Variants in LARP1 observed in about 807,000 individuals in gnomAD.
The protein encoded by LARP1 is la-related protein 1.
A neutral mutation model predicts 122.7 loss-of-function variants in LARP1; 36 were observed. The observed-to-expected ratio is 0.29, with a 90% CI of 0.22 to 0.39. LARP1 has a LOEUF of 0.39. LARP1 is among the 10% of genes least tolerant of loss of function. The pLI is 1.00. For synonymous variants in LARP1, 539 were observed against 528.7 expected, an observed-to-expected ratio of 1.02 and a Z score of -0.27; for missense variants, 1,040 against 1,403.6, an observed-to-expected ratio of 0.74 and a Z score of 4.14.
chr5:154,707,235 C>T (rs771878935), intron 1 of LARP1, among the ~76,000 whole-genome samples: 37 of 151,942 alleles, frequency 2.4e-4, no homozygotes, highest in Admixed American at 4.6e-4. Context: ...CAGCCAGACC[C>T]TATCTCTAAA....
intron 18 of LARP1, among the ~76,000 whole-genome samples, chr5:154,813,461 C>T (rs1474172503): frequency 2.0e-5 from 3 of 152,162 alleles, no homozygotes; most frequent in Non-Finnish European, 4.4e-5. Context: ...GCTGAGACGT[C>T]GCAGCATACT....
intron 8 of LARP1, 130 bp downstream of exon 8, chr5:154,795,449 C>G (rs1561614278): frequency 1.9e-5 from 16 of 836,974 alleles, no homozygotes; most frequent in Non-Finnish European, 2.9e-5. Flanking sequence ...CAAGGCTTGG[C>G]TAGTCTCCTC....
chr5:154,718,431 C>G (rs1056186102), intron 1 of LARP1: 1 of 152,052 alleles, frequency 6.6e-6, no homozygotes, highest in Non-Finnish European at 1.5e-5. Flanking sequence ...AGTGGCGATT[C>G]ACAGGTATGA....
chr5:154,797,467 A>C (rs1757976030), intron 8 of LARP1, among the ~76,000 whole-genome samples: 1 of 151,928 alleles, frequency 6.6e-6, no homozygotes, highest in East Asian at 1.9e-4. Flanking sequence ...TCCTGACCTC[A>C]GGTGATCCAC....
exon 1 of LARP1, among the ~76,000 whole-genome samples, chr5:154,683,021 G>A (rs1753766284): frequency 6.6e-6 from 1 of 152,246 alleles, no homozygotes; most frequent in Non-Finnish European, 1.5e-5. Context: ...GGCCGTGCTG[G>A]GAGAGCAGGC....
At chr5:154,697,290 C>T (rs1296510167) in intron 1 of LARP1, among the ~76,000 whole-genome samples, 1 of 150,910 alleles carries the variant, frequency 6.6e-6, no homozygotes, top group Non-Finnish European at 1.5e-5. Flanking sequence ...CCTAGCTTGA[C>T]TTTTCCCTTT....
rs559526278 is a variant in LARP1, at chr5:154,722,072, C to T, written c.205+8942C>T. 4.6e-5 allele frequency among the ~76,000 whole-genome samples: 7 copies of T among 152,346 alleles called. No homozygotes were observed. In the South Asian group the frequency reaches 1.2e-3, roughly 27 times the overall value. On this transcript the variant is annotated intron_variant, in intron 1 of 18. Coordinates refer to the LARP1 transcript ENST00000336314. Reference sequence around the variant, plus strand: ...CAGCCCCCAATTTCTCTCTGTGCCTCAGGCTGCCTTCCATGGAGCCAAAAC... The same window carrying T: ...CAGCCCCCAATTTCTCTCTGTGCCTTAGGCTGCCTTCCATGGAGCCAAAAC...
intron 1 of LARP1, chr5:154,757,294 A>G (rs1754040163): frequency 6.6e-6 from 1 of 151,510 alleles, no homozygotes; most frequent in Non-Finnish European, 1.5e-5. Context: ...GGGGGAGGTA[A>G]GGGGTGCAGG....
chr5:154,803,617 G>A lies in LARP1; in HGVS notation c.2311G>A (p.Val771Ile). The change falls in exon 13 of 19, where the codon GTC becomes ATC. Residue 771 changes from valine (V) to isoleucine (I), a missense_variant. Coordinates refer to ENST00000518297, the MANE Select transcript of LARP1 (RefSeq NM_033551.3). This position sits in a 1 kb window ranked among gnomAD's most constrained non-coding sequence, Gnocchi z 4.4. ...STIARSLPTT[V>I]PESPNYRNTR... ...CATCGCCCGCTCTCTACCAACCACT[G>A]TCCCAGAGTCACCAAACTACCGCAA... 6.2e-7 allele frequency: 1 copy of A among 1,614,134 alleles called. No homozygotes were observed. The highest frequency in any genetic ancestry group is 8.5e-7 in the Non-Finnish European group (1 of 1,180,020).
upstream of LARP1, among the ~76,000 whole-genome samples, chr5:154,712,414 G>C (rs1239705168): frequency 2.0e-5 from 3 of 152,130 alleles, no homozygotes; most frequent in Non-Finnish European, 4.4e-5. Context: ...ATCCCTCTCT[G>C]TCGACCTTCC....
intron 8 of LARP1, among the ~76,000 whole-genome samples, chr5:154,797,678 G>A (rs1003298230): frequency 2.1e-4 from 30 of 141,634 alleles, no homozygotes; most frequent in Middle Eastern, 3.7e-3. Flanking sequence ...TATGTCTACC[G>A]TCTTTTTTTT....
At chr5:154,700,285 C>T (rs994276833) in intron 1 of LARP1, among the ~76,000 whole-genome samples, 3 of 152,134 alleles carry the variant, frequency 2.0e-5, no homozygotes, top group Non-Finnish European at 4.4e-5. Flanking sequence ...TCCAAGATGG[C>T]TATATTCTGC....
intron 1 of LARP1, among the ~76,000 whole-genome samples, chr5:154,747,105 G>A (rs1039923061): frequency 6.6e-6 from 1 of 152,178 alleles, no homozygotes; most frequent in Non-Finnish European, 1.5e-5. Flanking sequence ...ACTCCAGCCT[G>A]GGCGACAGGG....
intron 1 of LARP1, among the ~76,000 whole-genome samples, chr5:154,732,893 C>T (rs372131161): frequency 1.2e-3 from 187 of 152,216 alleles, no homozygotes; most frequent in African/African-American, 4.2e-3. Context: ...TTAAAATTAC[C>T]ATGTTTGACA....
At chr5:154,712,297 A>G (rs1240912152), upstream of LARP1, among the ~76,000 whole-genome samples, 1 of 152,210 alleles carries the variant, frequency 6.6e-6, no homozygotes, top group Non-Finnish European at 1.5e-5. Context: ...GTGGAAACTG[A>G]GGCAGTGAGT....
intron 1 of LARP1, among the ~76,000 whole-genome samples, chr5:154,722,961 G>C (rs760272649): frequency 6.6e-6 from 1 of 152,176 alleles, no homozygotes; most frequent in African/African-American, 2.4e-5. Flanking sequence ...GATTACAGGC[G>C]TGAGCCAGCA....
chr5:154,724,278 A>G (rs928114348), intron 1 of LARP1, among the ~76,000 whole-genome samples: 1 of 152,218 alleles, frequency 6.6e-6, no homozygotes, highest in Non-Finnish European at 1.5e-5. Context: ...CAGCAGCCCT[A>G]TCTTGAGTAG....
chr5:154,732,144 C>T (rs145526376), intron 1 of LARP1, among the ~76,000 whole-genome samples: 360 of 146,022 alleles, frequency 2.5e-3, no homozygotes, highest in Non-Finnish European at 4.2e-3. Context: ...CAAGCCTGGG[C>T]GACAGAGCAA....
At chr5:154,722,466 C>T (rs536270614) in intron 1 of LARP1, among the ~76,000 whole-genome samples, 9 of 152,198 alleles carry the variant, frequency 5.9e-5, no homozygotes, top group African/African-American at 1.9e-4. Flanking sequence ...AGGTGTGACC[C>T]TGCCCTCATT....
Sources: allele counts gnomAD v4.1 joint callset (sites outside exome capture counted in the v4.1 genomes callset), GRCh38; gene constraint gnomAD v4.1.1; non-coding constraint Gnocchi (gnomAD v3.1); transcripts MANE v1.5; gene names NCBI Gene and HGNC (gene_info 2026-07-23, HGNC 2026-07-21).